Variants in RAPGEFL1 observed in about 807,000 individuals in gnomAD.
RAPGEFL1 encodes the protein rap guanine nucleotide exchange factor-like 1.
A neutral mutation model predicts 64.4 loss-of-function variants in RAPGEFL1; 31 were observed. That is an observed-to-expected ratio of 0.48 (90% CI 0.36 to 0.65). RAPGEFL1 has a LOEUF of 0.65. RAPGEFL1 is among the 30% of genes least tolerant of loss of function. The pLI is 0.00. For missense variants in RAPGEFL1, 682 were observed against 677.4 expected, an observed-to-expected ratio of 1.01 and a Z score of -0.08; for synonymous variants, 331 against 274.1, an observed-to-expected ratio of 1.21 and a Z score of -2.05.
rs541634136 is a variant in RAPGEFL1 at position 40,192,785 on chromosome 17, C to T, written c.1744+92C>T. On this transcript the variant is annotated intron_variant, in intron 12 of 14. Coordinates refer to ENST00000620260, the MANE Select transcript of RAPGEFL1 (RefSeq NM_016339.6). ...GACTTCCAGCTCCCTCTCGACTCAG[C>T]CCTGAGTACCCACCTGGAGAGGAGC... The T allele has an allele frequency of 3.1e-5, 43 of 1,384,218 alleles. No homozygotes were observed. The African/African-American group carries it at 6.0e-4, about 19-fold the overall frequency. 85.7% of individuals were successfully genotyped at this position (1,384,218 alleles called of 1,614,324 possible).
intron 2 of RAPGEFL1, among the ~76,000 whole-genome samples, chr17:40,183,997 C>T (rs940903159): frequency 6.6e-6 from 1 of 151,922 alleles, no homozygotes; most frequent in Non-Finnish European, 1.5e-5. Flanking sequence ...GTGCACACCA[C>T]CATGCCCGTC....
intron 1 of RAPGEFL1, among the ~76,000 whole-genome samples, chr17:40,178,747 G>A (rs1989803602): frequency 6.6e-6 from 1 of 152,186 alleles, no homozygotes; most frequent in African/African-American, 2.4e-5. Flanking sequence ...GCTGCCCAGC[G>A]CAGCCATGCC....
At chr17:40,193,450 T>C in intron 14 of RAPGEFL1, 33 bp downstream of exon 14, 4 of 1,611,938 alleles carry the variant, frequency 2.5e-6, no homozygotes, top group Non-Finnish European at 2.5e-6. Context: ...GCAGTACAGA[T>C]AGAGCTTTGA....
chr17:40,190,612 C>T (rs1207046497), intron 7 of RAPGEFL1, 28 bp from the exon 8 acceptor site: 1 of 1,613,988 alleles, frequency 6.2e-7, no homozygotes. Context: ...ACCAGGAGCC[C>T]AGCCCCTATG....
intron 2 of RAPGEFL1, 25 bp downstream of exon 2, chr17:40,181,719 A>G (rs1206799304): frequency 1.4e-6 from 1 of 701,328 alleles, no homozygotes; most frequent in Admixed American, 2.0e-5. Flanking sequence ...AGTTTGGAAA[A>G]GGAGAGGTCA....
At chr17:40,192,062 C>T (rs1990294374) in intron 10 of RAPGEFL1, 151 bp from the exon 11 acceptor site, 1 of 719,438 alleles carries the variant, frequency 1.4e-6, no homozygotes, top group Non-Finnish European at 2.5e-6. Flanking sequence ...TTAGCCAAGG[C>T]CTGACTTCAT....
chr17:40,193,662 A>G lies in RAPGEFL1; in HGVS notation c.1865-2A>G. On this transcript the variant is annotated splice_acceptor_variant, in intron 14 of 14. Coordinates refer to ENST00000620260, the MANE Select transcript of RAPGEFL1 (RefSeq NM_016339.6). LOFTEE classifies it high-confidence loss of function. The stretch of plus-strand genomic sequence containing the variant: ...GACTGCCTCTCCCTCTTTACCCACT[A>G]GGCCTGGACATGGAGGCATCCCCCA... The G allele has an allele frequency of 6.2e-7, 1 of 1,614,060 alleles. No individual in the cohort carries two copies. The highest frequency in any genetic ancestry group is 8.5e-7 in the Non-Finnish European group (1 of 1,179,986).
In RAPGEFL1 at chr17:40,193,671, C is replaced by T. The variant is rs143313469; in HGVS notation, c.1872C>T (p.Asp624=). 623 of 1,614,110 alleles carry T rather than the reference C, an allele frequency of 3.9e-4. 6 individuals are homozygous for T. The African/African-American group carries it at 7.4e-3, about 19-fold the overall frequency. The part of the protein sequence containing the change: ...RKYRSRPLCL[D]MEASPNHLQT... The stretch of plus-strand genomic sequence containing the variant: ...TCCCTCTTTACCCACTAGGCCTGGA[C>T]ATGGAGGCATCCCCCAATCACCTGC... Residue 624 remains aspartate, a synonymous_variant, in exon 15 of 15, where the codon GAC becomes GAT. Coordinates refer to ENST00000620260, the MANE Select transcript of RAPGEFL1 (RefSeq NM_016339.6).
At chr17:40,180,374 G>A (rs909892669) in intron 1 of RAPGEFL1, among the ~76,000 whole-genome samples, 5 of 152,060 alleles carry the variant, frequency 3.3e-5, no homozygotes, top group African/African-American at 1.2e-4. Context: ...AGAGTAACTA[G>A]TTTGGGAAAT....
chr17:40,177,407 A>T, upstream of RAPGEFL1: 4 of 447,476 alleles, frequency 8.9e-6, no homozygotes, highest in Non-Finnish European at 1.8e-5. Flanking sequence ...GGGCGAGCCG[A>T]GGAAGGGTAG....
intron 4 of RAPGEFL1, chr17:40,188,657 T>C: frequency 1.7e-6 from 1 of 577,474 alleles, no homozygotes; most frequent in Non-Finnish European, 3.1e-6. Flanking sequence ...CAGAGAAGAA[T>C]TCATGGAAGA....
rs1990314340 is a variant in RAPGEFL1, at chr17:40,192,613, G to A, written c.1664G>A (p.Cys555Tyr). The change falls in exon 12 of 15, where the codon TGC becomes TAC. Residue 555 changes from cysteine to tyrosine, a missense_variant. By Grantham distance (194) the Cys-to-Tyr change is radical. Around this residue, in one of 2 missense-constraint regions of RAPGEFL1, gnomAD observed 411 missense variants for 519.4 expected, o/e 0.79. Transcript: ENST00000620260. ...TCTCCTGTGGAATACTAGGACCCCT[G>A]CAGGAACCACAAAAGCTACCGAGAA... ...FRKFENLTDPCRNHKSYREVI... is the reference protein window; with the variant it reads ...FRKFENLTDPYRNHKSYREVI... 6.2e-7 allele frequency: 1 copy of A among 1,613,366 alleles called. No individual in the cohort carries two copies. Among genetic ancestry groups the A allele is most frequent in the African/African-American group, 1.3e-5 (1 of 74,880 alleles).
chr17:40,192,735 T>G, intron 12 of RAPGEFL1, 42 bp downstream of exon 12: 1 of 1,565,326 alleles, frequency 6.4e-7, no homozygotes, highest in South Asian at 1.1e-5. Flanking sequence ...CCACCCATGC[T>G]TCCCTTCTCC....
chr17:40,193,701 C>A lies in RAPGEFL1; in HGVS notation c.1902C>A (p.Thr634=). The A allele has an allele frequency of 6.2e-7, 1 of 1,614,072 alleles. No homozygotes were observed. The highest frequency in any genetic ancestry group is 8.5e-7 in the Non-Finnish European group (1 of 1,180,010). The change falls in exon 15 of 15, where the codon ACC becomes ACA. Residue 634 remains threonine, a synonymous_variant. Coordinates refer to ENST00000620260, the MANE Select transcript of RAPGEFL1 (RefSeq NM_016339.6). The part of the protein sequence containing the change: ...DMEASPNHLQ[T]KAYVRQFQVI... ...AGGCATCCCCCAATCACCTGCAGACCAAGGCCTATGTGCGCCAGTTTCAGG... is the reference window on the plus strand; with the variant it reads ...AGGCATCCCCCAATCACCTGCAGACAAAGGCCTATGTGCGCCAGTTTCAGG...
At chr17:40,188,464 A>T (rs934639319) in intron 4 of RAPGEFL1, 5 of 224,068 alleles carry the variant, frequency 2.2e-5, no homozygotes, top group African/African-American at 1.2e-4. Context: ...CTGACCTACT[A>T]CCTACCATGT....
chr17:40,184,084 TC>T, intron 2 of RAPGEFL1, 129 bp from the exon 3 acceptor site: 1 of 753,010 alleles, frequency 1.3e-6, no homozygotes, highest in Non-Finnish European at 2.4e-6. Context: ...CCTCAGGTGA[TC>T]CGCCCGCCTC....
rs532662680 is a variant in RAPGEFL1 at position 40,192,778 on chromosome 17, G to A, written c.1744+85G>A. ...TGCTTCTGACTTCCAGCTCCCTCTC[G>A]ACTCAGCCCTGAGTACCCACCTGGA... On this transcript the variant is annotated intron_variant, in intron 12 of 14. Coordinates refer to ENST00000620260, the MANE Select transcript of RAPGEFL1 (RefSeq NM_016339.6). The A allele has an allele frequency of 2.5e-5, 36 of 1,436,758 alleles. No homozygotes were observed. In the East Asian group the frequency reaches 3.6e-4, roughly 15 times the overall value. 89.0% of individuals were successfully genotyped at this position (1,436,758 alleles called of 1,614,324 possible).
intron 1 of RAPGEFL1, among the ~76,000 whole-genome samples, chr17:40,180,356 G>A (rs984632145): frequency 2.0e-5 from 3 of 152,134 alleles, no homozygotes; most frequent in African/African-American, 7.2e-5. Context: ...CTGGCAGCCT[G>A]GATCCCCAGA....
At position 40,181,711 on chromosome 17, in the gene RAPGEFL1, T is replaced by C. The variant is rs1291977948; in HGVS notation, c.599+17T>C. 2.8e-6 allele frequency: 2 copies of C among 701,764 alleles called. No individual in the cohort carries two copies. The highest frequency in any genetic ancestry group is 5.2e-6 in the Non-Finnish European group (2 of 384,416). The allele number at this position is 701,764 out of a possible 1,614,324, so 43.5% of individuals were successfully genotyped here. On this transcript the variant is annotated intron_variant, in intron 2 of 14. Transcript: ENST00000620260. ...ACACCAGTAATATCCTTTTGTGGAGTTTGGAAAAGGAGAGGTCAGAAGGGA... is the reference window on the plus strand; with the variant it reads ...ACACCAGTAATATCCTTTTGTGGAGCTTGGAAAAGGAGAGGTCAGAAGGGA...
Sources: gnomAD v4.1 joint callset for allele counts (sites outside exome capture counted in the v4.1 genomes callset) on GRCh38, gnomAD v4.1.1 for gene constraint, gnomAD v4.1.1 regional missense constraint, MANE v1.5 for transcripts, NCBI Gene and HGNC (gene_info 2026-07-23, HGNC 2026-07-21) for gene names.